Variants in NCK1 observed in about 807,000 individuals in gnomAD.
NCK1 encodes the protein SH2/SH3 adapter protein NCK1.
NCK1 carries 19 observed loss-of-function variants against 36.6 expected under a neutral mutation model. That is an observed-to-expected ratio of 0.52 (90% CI 0.36 to 0.76). The LOEUF (loss-of-function observed/expected upper bound fraction) is 0.76. Ranked by LOEUF, NCK1 falls within the 30% of genes least tolerant of loss-of-function variation. The probability of loss-of-function intolerance (pLI) is 0.00; values close to 1 mark genes in which losing one functional copy is unlikely to be tolerated. For missense variants in NCK1, 358 were observed against 445.6 expected (o/e 0.80, Z 1.77); for synonymous variants, 165 against 156.0 (o/e 1.06, Z -0.43).
chr3:136,876,120 A>C (rs1447589905), intron 1 of NCK1, among the ~76,000 whole-genome samples: 73 of 152,232 alleles, frequency 4.8e-4, no homozygotes, highest in Non-Finnish European at 8.1e-4. Context: ...ACAAAGACAC[A>C]ACATACCAGA....
At chr3:136,928,287 T>G (rs1315284110) in intron 2 of NCK1, 60 bp downstream of exon 2, 1 of 1,448,286 alleles carries the variant, frequency 6.9e-7, no homozygotes, top group Non-Finnish European at 9.3e-7. Flanking sequence ...AACTTAGTTC[T>G]TTGTACATAA....
At chr3:136,922,694 G>A (rs765703527) in intron 1 of NCK1, among the ~76,000 whole-genome samples, 4 of 152,150 alleles carry the variant, frequency 2.6e-5, no homozygotes, top group Non-Finnish European at 5.9e-5. Context: ...TAGTTTGTTG[G>A]CAAGGCTGTG....
At position 136,948,453 on chromosome 3, in the gene NCK1, A is replaced by G. The variant is rs1056520181; in HGVS notation, c.1134A>G (p.Ter378TrpextTer3). 1 of 1,610,698 alleles carries G rather than the reference A, an allele frequency of 6.2e-7. No homozygotes were observed. The highest frequency in any genetic ancestry group is 8.5e-7 in the Non-Finnish European group (1 of 1,177,894). ...EKLYLVKHLS[*>W] ...TATATCTTGTCAAGCATTTATCATG[A>G]TACTGCTGACCAGAAGTGACTGCTG... The change falls in exon 4 of 4, where the codon TGA becomes TGG. Residue 378 changes from the stop codon to tryptophan, a stop_lost. Transcript: ENST00000481752.
At chr3:136,883,345 T>C (rs1291796299) in intron 1 of NCK1, among the ~76,000 whole-genome samples, 3 of 152,192 alleles carry the variant, frequency 2.0e-5, no homozygotes, top group African/African-American at 7.2e-5. Flanking sequence ...CGTGAGACTT[T>C]TTTTTCCCCT....
At chr3:136,912,417 A>G (rs550378893) in intron 1 of NCK1, among the ~76,000 whole-genome samples, 2 of 150,570 alleles carry the variant, frequency 1.3e-5, no homozygotes, top group South Asian at 2.1e-4. Context: ...TTGCCCCTCT[A>G]CTTTTGGCAT....
intron 1 of NCK1, among the ~76,000 whole-genome samples, chr3:136,866,840 C>T (rs1345178730): frequency 6.6e-6 from 1 of 150,788 alleles, no homozygotes; most frequent in Non-Finnish European, 1.5e-5. Flanking sequence ...CTTGAACTCC[C>T]GACCTCAGGT....
chr3:136,932,730 T>C (rs1456982410), intron 2 of NCK1, among the ~76,000 whole-genome samples: 1 of 152,204 alleles, frequency 6.6e-6, no homozygotes, highest in Non-Finnish European at 1.5e-5. Flanking sequence ...CTAAAAGTCT[T>C]ACATCCTGGT....
At chr3:136,945,376 CAAATT>C (rs1189289355) in intron 2 of NCK1, among the ~76,000 whole-genome samples, 6 of 151,984 alleles carry the variant, frequency 3.9e-5, no homozygotes, top group African/African-American at 1.2e-4. Flanking sequence ...CATATAATAA[CAAATT>C]AAATATTTAT....
chr3:136,870,038 T>TTTTC (rs1468140654), intron 1 of NCK1, among the ~76,000 whole-genome samples: 1 of 136,118 alleles, frequency 7.3e-6, no homozygotes, highest in African/African-American at 2.5e-5. Flanking sequence ...GTTTTTTTTT[T>TTTTC]TTTTTTTTTT....
At chr3:136,916,237 T>G (rs2108116800) in intron 1 of NCK1, among the ~76,000 whole-genome samples, 1 of 152,262 alleles carries the variant, frequency 6.6e-6, no homozygotes, top group African/African-American at 2.4e-5. Context: ...TAAAACCATT[T>G]TGTGATTAAA....
chr3:136,941,808 C>G (rs1301932174), intron 2 of NCK1, among the ~76,000 whole-genome samples: 1 of 151,888 alleles, frequency 6.6e-6, no homozygotes, highest in Non-Finnish European at 1.5e-5. Context: ...AAATTACTGT[C>G]CAGTGTTTTT....
intron 2 of NCK1, among the ~76,000 whole-genome samples, chr3:136,929,220 A>G (rs1454333371): frequency 6.6e-6 from 1 of 152,114 alleles, no homozygotes; most frequent in Non-Finnish European, 1.5e-5. Flanking sequence ...GATGCTTACT[A>G]CCATACCCAG....
At chr3:136,919,034 G>A (rs1462047528) in intron 1 of NCK1, among the ~76,000 whole-genome samples, 1 of 152,098 alleles carries the variant, frequency 6.6e-6, no homozygotes, top group Non-Finnish European at 1.5e-5. Context: ...CACTAAAAAG[G>A]AGTGAACTAC....
intron 2 of NCK1, chr3:136,928,768 C>T (rs1469805817): frequency 6.6e-6 from 1 of 150,844 alleles, no homozygotes. Flanking sequence ...ACTGGCCCTC[C>T]ATTAGGGCCT....
chr3:136,946,573 A>G (rs1386769280), intron 3 of NCK1, among the ~76,000 whole-genome samples: 5 of 152,156 alleles, frequency 3.3e-5, no homozygotes, highest in African/African-American at 1.2e-4. Context: ...TTTCTGTTGC[A>G]TTAAACTAAA....
chr3:136,870,350 A>AT (rs569911779), intron 1 of NCK1, among the ~76,000 whole-genome samples: 77 of 151,472 alleles, frequency 5.1e-4, no homozygotes, highest in African/African-American at 1.8e-3. Flanking sequence ...TCAAAAAAAA[A>AT]AAAATTCATC....
rs768475356 is a variant in NCK1 at position 136,946,046 on chromosome 3, G to A, written c.690G>A (p.Trp230Ter). Reference protein sequence around the residue: ...IEKPENDPEWWKCRKINGMVG... With the variant: ...IEKPENDPEW Reference sequence around the variant, plus strand: ...AACCTGAAAATGACCCAGAGTGGTGGAAATGCAGGAAGATCAATGGTATGG... The same window carrying A: ...AACCTGAAAATGACCCAGAGTGGTGAAAATGCAGGAAGATCAATGGTATGG... The change falls in exon 3 of 4, where the codon TGG becomes TGA. Residue 230 changes from tryptophan (W) to a stop codon, truncating the protein, a stop_gained. Coordinates refer to ENST00000481752, the MANE Select transcript of NCK1 (RefSeq NM_001291999.2). LOFTEE classifies it high-confidence loss of function. 8.7e-6 allele frequency: 14 copies of A among 1,613,850 alleles called. No individual in the cohort carries two copies. Among genetic ancestry groups the A allele is most frequent in the Non-Finnish European group, 8.5e-7 (1 of 1,180,004 alleles).
At chr3:136,884,216 G>A (rs1394690005) in intron 1 of NCK1, among the ~76,000 whole-genome samples, 1 of 152,122 alleles carries the variant, frequency 6.6e-6, no homozygotes, top group Non-Finnish European at 1.5e-5. Flanking sequence ...GTGGCGTGGA[G>A]GGAGGGAAAC....
chr3:136,907,126 T>C (rs1005210411), intron 1 of NCK1, among the ~76,000 whole-genome samples: 12 of 152,132 alleles, frequency 7.9e-5, no homozygotes, highest in Non-Finnish European at 1.5e-4. Context: ...TCACATACTT[T>C]GCTTGTGCCT....
Sources: gnomAD v4.1 joint callset for allele counts (sites outside exome capture counted in the v4.1 genomes callset) on GRCh38, gnomAD v4.1.1 for gene constraint, MANE v1.5 for transcripts, NCBI Gene and HGNC (gene_info 2026-07-23, HGNC 2026-07-21) for gene names.